The following MTMR4 variants were observed in gnomAD, a reference collection of about 807,000 sequenced individuals.
MTMR4 encodes myotubularin related protein 4, also known as phosphatidylinositol-3,5-bisphosphate 3-phosphatase MTMR4.
A neutral mutation model predicts 125.5 loss-of-function variants in MTMR4; 30 were observed. The ratio of observed to expected loss-of-function variants is 0.24; its 90% confidence interval spans 0.18 to 0.32. The LOEUF (loss-of-function observed/expected upper bound fraction) is 0.32, where lower values mean the gene tolerates loss of function less well. Among genes scored for constraint, MTMR4 ranks in the 10% least tolerant of loss-of-function variants. MTMR4 has a pLI of 1.00. For missense variants in MTMR4, 1,039 were observed against 1,511.5 expected (o/e 0.69, Z 5.18); for synonymous variants, 498 against 564.5 (o/e 0.88, Z 1.67).
rs1306813029 is a variant in MTMR4 at position 58,490,794 on chromosome 17, A to T, written c.*869T>A. On this transcript the variant is annotated 3_prime_UTR_variant, in exon 18 of 18. Transcript: ENST00000682306. ...ATCAAGGTGTAGCTCCTGTGTTAGCACCAGGACAACTAGGAAAAGTCAGGT... is the reference window on the plus strand; with the variant it reads ...ATCAAGGTGTAGCTCCTGTGTTAGCTCCAGGACAACTAGGAAAAGTCAGGT... The T allele has an allele frequency of 5.9e-5, 9 of 152,670 alleles. No individual in the cohort carries two copies. Among genetic ancestry groups the T allele is most frequent in the Admixed American group, 5.9e-4 (9 of 15,290 alleles). The allele number at this position is 152,670 out of a possible 1,614,324, so 9.5% of individuals were successfully genotyped here. A position where few individuals can be genotyped will look rare whatever the true frequency, so the allele number is the denominator to read the frequency against.
chr17:58,496,661 T>C (rs1392837605), intron 14 of MTMR4, among the ~76,000 whole-genome samples: 1 of 152,202 alleles, frequency 6.6e-6, no homozygotes, highest in African/African-American at 2.4e-5. Context: ...GCCTTCTGAA[T>C]CTACTGTTCC....
chr17:58,500,193 C>A (rs983442181), intron 14 of MTMR4, among the ~76,000 whole-genome samples: 1 of 152,158 alleles, frequency 6.6e-6, no homozygotes, highest in Non-Finnish European at 1.5e-5. Context: ...ATGGCATGAT[C>A]ACAGCTCACT....
chr17:58,513,573 C>T (rs1975994212), intron 1 of MTMR4, among the ~76,000 whole-genome samples: 1 of 152,114 alleles, frequency 6.6e-6, no homozygotes, highest in South Asian at 2.1e-4. Context: ...GCCTGCTAAT[C>T]AGAGGGGAAT....
At position 58,508,265 on chromosome 17, in the gene MTMR4, G is replaced by A; in HGVS notation, c.603C>T (p.Pro201=). ...SHINSNYKLC[P]SYPQKLLVPV... ...GAACCAGCAGCTTCTGGGGGTAACT[G>A]GGGCACAATCTGAGAAGAGACCAGG... The change falls in exon 7 of 18, where the codon CCC becomes CCT. Residue 201 remains proline (P), a synonymous_variant. Coordinates refer to ENST00000682306, the MANE Select transcript of MTMR4 (RefSeq NM_001378067.1). This position sits in a 1 kb window ranked among gnomAD's most constrained non-coding sequence, Gnocchi z 4.8. 1 of 1,613,982 alleles carries A rather than the reference G, an allele frequency of 6.2e-7. No homozygotes were observed. Among genetic ancestry groups the A allele is most frequent in the Non-Finnish European group, 8.5e-7 (1 of 1,179,974 alleles).
At chr17:58,514,701 C>T (rs1976038177), upstream of MTMR4, 3 of 978,180 alleles carry the variant, frequency 3.1e-6, no homozygotes, top group African/African-American at 5.3e-5. Flanking sequence ...GGGGCGGCTC[C>T]GCGGGCCCCG....
At chr17:58,516,596 G>C (rs768479394), upstream of MTMR4, 1 of 1,614,066 alleles carries the variant, frequency 6.2e-7, no homozygotes, top group East Asian at 2.2e-5. Flanking sequence ...ACCGTGGCAA[G>C]GGTACTGGCT....
chr17:58,501,506 G>A (rs1975627285), intron 14 of MTMR4, among the ~76,000 whole-genome samples: 1 of 151,224 alleles, frequency 6.6e-6, no homozygotes, highest in African/African-American at 2.4e-5. Flanking sequence ...AAAGCTCTCA[G>A]CCAATAAACA....
rs1975723760 is a variant in MTMR4 at position 58,504,391 on chromosome 17, T to C, written c.1439A>G (p.Gln480Arg). The C allele has an allele frequency of 6.2e-7, 1 of 1,614,192 alleles. No individual in the cohort carries two copies. Among genetic ancestry groups the C allele is most frequent in the Non-Finnish European group, 8.5e-7 (1 of 1,180,036 alleles). The stretch of plus-strand genomic sequence containing the variant: ...AAGCCACTGGAGGAACACAGGGCAT[T>C]GTTCGTTTTGGTCCTCCACATTCTC... ...HQENVEDQNE[Q>R]CPVFLQWLDS... is the part of the protein sequence containing the mutation. The change falls in exon 12 of 18, where the codon CAA becomes CGA. Residue 480 changes from glutamine (Q) to arginine (R), a missense_variant. Around this residue, in one of 6 missense-constraint regions of MTMR4, gnomAD observed 107 missense variants for 267.4 expected, o/e 0.40. Transcript: ENST00000682306. The surrounding 1 kb of genome is among the most constrained non-coding windows in gnomAD (Gnocchi z 7.1).
chr17:58,511,298 T>G, intron 4 of MTMR4, 131 bp downstream of exon 4: 1 of 848,112 alleles, frequency 1.2e-6, no homozygotes. Flanking sequence ...CAGAACATGG[T>G]CTTCACCTTT....
At chr17:58,499,793 T>TC (rs954777223) in intron 14 of MTMR4, among the ~76,000 whole-genome samples, 14 of 151,168 alleles carry the variant, frequency 9.3e-5, no homozygotes, top group African/African-American at 3.4e-4. Flanking sequence ...CGGCTAATTT[T>TC]TTTTTTTTTT....
At position 58,508,152 on chromosome 17, in the gene MTMR4, C is replaced by A; in HGVS notation, c.707+9G>T. On this transcript the variant is annotated intron_variant, in intron 7 of 17. Coordinates refer to ENST00000682306, the MANE Select transcript of MTMR4 (RefSeq NM_001378067.1). This position sits in a 1 kb window ranked among gnomAD's most constrained non-coding sequence, Gnocchi z 4.8. ...ATGGCCTCCCTACTTCCCAGCCCCA[C>A]TGCCTCACCTATACACAACCACGGG... 2 of 1,609,216 alleles carry A rather than the reference C, an allele frequency of 1.2e-6. No individual in the cohort carries two copies. Among genetic ancestry groups the A allele is most frequent in the Middle Eastern group, 3.3e-4 (2 of 6,046 alleles).
chr17:58,509,415 CT>C (rs11451825), intron 4 of MTMR4, among the ~76,000 whole-genome samples: 1,448 of 134,610 alleles, frequency 0.011, 14 homozygotes, highest in Middle Eastern at 0.031. Context: ...ATATATATAC[CT>C]TTTTTTTTTT....
intron 14 of MTMR4, among the ~76,000 whole-genome samples, chr17:58,500,301 A>AT (rs1223285234): frequency 6.6e-6 from 1 of 152,002 alleles, no homozygotes; most frequent in Non-Finnish European, 1.5e-5. Flanking sequence ...TAATTTTTGC[A>AT]TTTTTTGTAG....
At chr17:58,518,657 A>C (rs2042059827), upstream of MTMR4, among the ~76,000 whole-genome samples, 1 of 152,162 alleles carries the variant, frequency 6.6e-6, no homozygotes, top group African/African-American at 2.4e-5. Context: ...GCGGCCTCCT[A>C]GTCTGTAAAG....
Position 58,512,590 on chromosome 17 carries a change from T to A in MTMR4, c.136-84A>T. On this transcript the variant is annotated intron_variant, in intron 2 of 17. Coordinates refer to ENST00000682306, the MANE Select transcript of MTMR4 (RefSeq NM_001378067.1). This position sits in a 1 kb window ranked among gnomAD's most constrained non-coding sequence, Gnocchi z 4.1. ...ACAGCCCCTGATCTGTGGGATCCCC[T>A]CTGGAAAAGGTGGGCCAAGGCAAGA... 1 of 1,200,310 alleles carries A rather than the reference T, an allele frequency of 8.3e-7. No individual in the cohort carries two copies. Among genetic ancestry groups the A allele is most frequent in the Non-Finnish European group, 1.2e-6 (1 of 815,014 alleles). The allele number at this position is 1,200,310 out of a possible 1,614,324, so 74.4% of individuals were successfully genotyped here.
intron 10 of MTMR4, 80 bp from the exon 11 acceptor site, chr17:58,505,054 A>G: frequency 7.2e-7 from 1 of 1,387,244 alleles, no homozygotes; most frequent in Non-Finnish European, 9.7e-7. Context: ...AGCCAGCCCC[A>G]CCCAACAAAG....
At chr17:58,492,015 ATAAT>A (rs1442071704) in intron 17 of MTMR4, among the ~76,000 whole-genome samples, 175 bp from the exon 18 acceptor site, 12 of 152,210 alleles carry the variant, frequency 7.9e-5, no homozygotes, top group Non-Finnish European at 1.5e-4. Context: ...TAATAAAAAA[ATAAT>A]TAATTAATTA....
chr17:58,502,724 T>TA (rs1448714638), intron 14 of MTMR4, among the ~76,000 whole-genome samples: 1 of 152,220 alleles, frequency 6.6e-6, no homozygotes, highest in Non-Finnish European at 1.5e-5. Context: ...ATTTTGTTTA[T>TA]AAAAAATGTT....
chr17:58,516,951 A>G (rs2042026080), upstream of MTMR4, among the ~76,000 whole-genome samples: 1 of 152,258 alleles, frequency 6.6e-6, no homozygotes, highest in Non-Finnish European at 1.5e-5. Context: ...ACTGCCAACT[A>G]TGAAGAGACA....
Sources: gnomAD v4.1 joint callset for allele counts (sites outside exome capture counted in the v4.1 genomes callset) on GRCh38, gnomAD v4.1.1 for gene constraint, gnomAD v4.1.1 regional missense constraint, Gnocchi (gnomAD v3.1) non-coding constraint, MANE v1.5 for transcripts, NCBI Gene and HGNC (gene_info 2026-07-23, HGNC 2026-07-21) for gene names.